CAST: variants seen among roughly 807,000 people sequenced by gnomAD.
CAST encodes MIR583 host.
Under a neutral mutation model 119.6 loss-of-function variants are expected in CAST, and 76 were observed. The observed-to-expected ratio is 0.64, with a 90% confidence interval of 0.53 to 0.77. The LOEUF (loss-of-function observed/expected upper bound fraction) is 0.77. Ranked by LOEUF, CAST falls within the 30% of genes least tolerant of loss-of-function variation. The pLI is 0.00. For missense variants in CAST, 953 were observed against 946.5 expected (o/e 1.01, Z -0.09); for synonymous variants, 319 against 331.6 (o/e 0.96, Z 0.41).
Position 96,678,462 on chromosome 5 carries a change from G to A in CAST, c.138+2861G>A, listed in dbSNP as rs547225706. Among the ~76,000 whole-genome samples the A allele has an allele frequency of 8.5e-5, 13 of 152,260 alleles. No individual in the cohort carries two copies. In the South Asian group the frequency reaches 2.7e-3, roughly 32 times the overall value. On this transcript the variant is annotated intron_variant, in intron 2 of 31. Coordinates refer to ENST00000675179, the MANE Select transcript of CAST (RefSeq NM_001750.7). ...CATTTCTATTAGAGATGCCAGAAAA[G>A]GGCACAGAGGAGGACTTTGGGAGGG...
the CAST span, chr5:96,412,268 A>T: frequency 2.8e-6 from 4 of 1,440,554 alleles, no homozygotes; most frequent in Non-Finnish European, 3.9e-6. Context: ...TTCTCCTCAT[A>T]TCCAGATGGT....
chr5:96,379,087 AG>A, the CAST span, among the ~76,000 whole-genome samples: 1 of 152,282 alleles, frequency 6.6e-6, no homozygotes, highest in East Asian at 1.9e-4. Flanking sequence ...CTATTTCCTT[AG>A]GATATTTTCT....
intron 1 of CAST, among the ~76,000 whole-genome samples, chr5:96,538,610 T>C (rs923133317): frequency 6.6e-6 from 1 of 152,136 alleles, no homozygotes; most frequent in Non-Finnish European, 1.5e-5. Context: ...TTTGGAGATG[T>C]TCAAGTAGTT....
chr5:96,573,018 C>G (rs767850525), intron 1 of CAST, among the ~76,000 whole-genome samples: 3 of 152,150 alleles, frequency 2.0e-5, no homozygotes, highest in Non-Finnish European at 4.4e-5. Context: ...AGAAGTTACT[C>G]GATGACTAAT....
the CAST span, among the ~76,000 whole-genome samples, chr5:96,030,329 T>C: frequency 6.6e-6 from 1 of 152,200 alleles, no homozygotes; most frequent in African/African-American, 2.4e-5. Context: ...GATTTATAAC[T>C]TTTAAATGTG....
At chr5:96,390,261 T>A in the CAST span, among the ~76,000 whole-genome samples, 1 of 152,208 alleles carries the variant, frequency 6.6e-6, no homozygotes, top group Non-Finnish European at 1.5e-5. Flanking sequence ...AGGAATTAAC[T>A]CCTTAATGTA....
At position 96,560,013 on chromosome 5, in the gene CAST, G is replaced by C. The variant is rs1293365072; in HGVS notation, c.60+30133G>C. ...GTACTGGTACCAAAACAGAGATATA[G>C]ACCAATGGAACAGAATAGAGCCCTC... On this transcript the variant is annotated intron_variant, in intron 1 of 11. Transcript: ENST00000505143. Among the ~76,000 whole-genome samples the C allele has an allele frequency of 2.0e-5, 3 of 152,066 alleles. No homozygotes were observed. In the East Asian group the frequency reaches 5.8e-4, roughly 29 times the overall value.
chr5:96,597,421 G>A (rs555934335), intron 1 of CAST, among the ~76,000 whole-genome samples: 2 of 152,324 alleles, frequency 1.3e-5, no homozygotes, highest in East Asian at 1.9e-4. Context: ...CTGTCTGGAC[G>A]TAATTATACA....
chr5:96,371,774 A>G, the CAST span, among the ~76,000 whole-genome samples: 1 of 152,160 alleles, frequency 6.6e-6, no homozygotes, highest in Non-Finnish European at 1.5e-5. Flanking sequence ...TGGTCTTTAA[A>G]AGCACTCCAG....
intron 1 of CAST, among the ~76,000 whole-genome samples, chr5:96,561,796 G>GTTTTTTTGTTTTTTTTTTTTTT: frequency 1.0e-5 from 1 of 97,422 alleles, no homozygotes; most frequent in Non-Finnish European, 1.9e-5. Flanking sequence ...GTTTTTTTTT[G>GTTTTTTTGTTTTTTTTTTTTTT]TTTTTTTTTT....
chr5:96,168,958 G>T, the CAST span, among the ~76,000 whole-genome samples: 2 of 152,274 alleles, frequency 1.3e-5, no homozygotes, highest in East Asian at 3.9e-4. Flanking sequence ...AAGTATTAAG[G>T]AGCAGCAGCC....
At chr5:96,129,371 C>T in the CAST span, among the ~76,000 whole-genome samples, 1 of 152,048 alleles carries the variant, frequency 6.6e-6, no homozygotes, top group Non-Finnish European at 1.5e-5. Context: ...GGATTTGTTT[C>T]ATGAACCTGG....
the CAST span, among the ~76,000 whole-genome samples, chr5:95,970,730 A>G: frequency 6.6e-6 from 1 of 152,232 alleles, no homozygotes; most frequent in East Asian, 1.9e-4. Flanking sequence ...ATCTGATTTT[A>G]GAAGCTGGGC....
upstream of CAST, among the ~76,000 whole-genome samples, chr5:96,526,068 C>A (rs1236466326): frequency 3.9e-5 from 6 of 152,206 alleles, no homozygotes; most frequent in African/African-American, 1.2e-4. Flanking sequence ...AACTGGGTTT[C>A]AAATAACAGG....
At chr5:96,721,910 T>G (rs1256605057) in intron 3 of CAST, among the ~76,000 whole-genome samples, 1 of 152,154 alleles carries the variant, frequency 6.6e-6, no homozygotes, top group Non-Finnish European at 1.5e-5. Context: ...CCTCTTGCCT[T>G]CTAAGGAAGA....
At chr5:96,542,314 A>AAAAGAAAAG (rs1440608532) in intron 1 of CAST, among the ~76,000 whole-genome samples, 3 of 151,890 alleles carry the variant, frequency 2.0e-5, no homozygotes, top group Non-Finnish European at 2.9e-5. Flanking sequence ...GTCTCAAAAA[A>AAAAGAAAAG]AAAAAAAAAG....
chr5:96,715,418 A>G (rs1230735380), intron 3 of CAST, among the ~76,000 whole-genome samples: 1 of 152,198 alleles, frequency 6.6e-6, no homozygotes, highest in African/African-American at 2.4e-5. Context: ...GAGGGCAGTC[A>G]ACTTGTTACA....
At chr5:96,357,026 T>C in the CAST span, among the ~76,000 whole-genome samples, 1 of 152,194 alleles carries the variant, frequency 6.6e-6, no homozygotes. Flanking sequence ...GGTTTGTAAT[T>C]CTCCTTGAAG....
the CAST span, chr5:96,394,853 G>A: frequency 1.9e-6 from 3 of 1,613,462 alleles, no homozygotes. Context: ...CAAGAACAGA[G>A]CCACACAGAC....
Sources: gnomAD v4.1 joint callset for allele counts (sites outside exome capture counted in the v4.1 genomes callset) on GRCh38, gnomAD v4.1.1 for gene constraint, MANE v1.5 for transcripts, NCBI Gene and HGNC (gene_info 2026-07-23, HGNC 2026-07-21) for gene names.